BCL6B: variants seen among roughly 807,000 people sequenced by gnomAD.
BCL6B encodes the protein BCL6B transcription repressor, also known as B-cell CLL/lymphoma 6 member B protein.
Under a neutral mutation model 44.6 loss-of-function variants are expected in BCL6B, and 28 were observed. The observed-to-expected ratio is 0.63, with a 90% CI of 0.47 to 0.86. The LOEUF is 0.86. Among genes scored for constraint, BCL6B ranks in the 40% least tolerant of loss-of-function variants. The pLI, the probability that BCL6B is intolerant of heterozygous loss-of-function variation, is 0.00. For synonymous variants in BCL6B, 268 were observed against 263.6 expected, an observed-to-expected ratio of 1.02 and a Z score of -0.16; for missense variants, 626 against 652.3, an observed-to-expected ratio of 0.96 and a Z score of 0.44.
chr17:7,026,162 C>G (rs1026677553), intron 5 of BCL6B, among the ~76,000 whole-genome samples: 1 of 152,132 alleles, frequency 6.6e-6, no homozygotes, highest in Non-Finnish European at 1.5e-5. Context: ...CCTTGTGATC[C>G]GACCGCCTCG....
In BCL6B at chr17:7,029,128, A is replaced by G. The variant is rs1910385409; in HGVS notation, c.*1509A>G. 1.0e-6 allele frequency: 1 copy of G among 985,502 alleles called. No homozygotes were observed. The highest frequency in any genetic ancestry group is 1.2e-6 in the Non-Finnish European group (1 of 829,974). 61.0% of individuals were successfully genotyped at this position (985,502 alleles called of 1,614,324 possible). A position where few individuals can be genotyped will look rare whatever the true frequency, so the allele number is the denominator to read the frequency against. ...TTGGCATTACAGATGTAAAAGATTG[A>G]CTAGCCCATAGGCCAAAGGCCTGTT... On this transcript the variant is annotated 3_prime_UTR_variant, in exon 9 of 9. Coordinates refer to ENST00000293805, the MANE Select transcript of BCL6B (RefSeq NM_181844.4).
At chr17:7,027,297 G>C (rs910012037) in intron 8 of BCL6B, among the ~76,000 whole-genome samples, 2 of 152,198 alleles carry the variant, frequency 1.3e-5, no homozygotes, top group Admixed American at 1.3e-4. Flanking sequence ...TTTTCTCAGA[G>C]AGGAGCTGAG....
rs1183072052 is a variant in BCL6B, at chr17:7,026,709, A to G, written c.1059A>G (p.Glu353=). 3 of 1,614,132 alleles carry G rather than the reference A, an allele frequency of 1.9e-6. No homozygotes were observed. Among genetic ancestry groups the G allele is most frequent in the South Asian group, 2.2e-5 (2 of 91,094 alleles). ...TCCCATGTTCTCTGCCTCCAGGGGA[A>G]AAGCCTTACCACTGCTCAATCTGCG... ...LASHRTVHTG[E]KPYHCSICGA... is the part of the protein sequence containing the mutation. Residue 353 remains glutamate, a synonymous_variant, in exon 7 of 9, where the codon GAA becomes GAG. Transcript: ENST00000293805.
chr17:7,023,633 C>G (rs757081050), intron 1 of BCL6B, 27 bp from the exon 2 acceptor site: 2 of 1,585,318 alleles, frequency 1.3e-6, no homozygotes, highest in Non-Finnish European at 1.7e-6. Flanking sequence ...CTGCCTGGAT[C>G]CAGAGCACTT....
rs778315859 is a variant in BCL6B at position 7,027,063 on chromosome 17, C to A, written c.1299C>A (p.Ile433=). ...AGACCCTCAAGAGCCACGTTCGCATCCACACCGGAGAGAAGCCTTACCACG... is the reference window on the plus strand; with the variant it reads ...AGACCCTCAAGAGCCACGTTCGCATACACACCGGAGAGAAGCCTTACCACG... ...HLQTLKSHVR[I]HTGEKPYHCD... Residue 433 remains isoleucine (I), a synonymous_variant, in exon 8 of 9, where the codon ATC becomes ATA. Coordinates refer to ENST00000293805, the MANE Select transcript of BCL6B (RefSeq NM_181844.4). The A allele has an allele frequency of 2.5e-6, 4 of 1,613,940 alleles. No homozygotes were observed. The highest frequency in any genetic ancestry group is 3.4e-6 in the Non-Finnish European group (4 of 1,180,032).
Position 7,026,855 on chromosome 17 carries a change from G to A in BCL6B, c.1185+20G>A. 7 of 1,613,040 alleles carry A rather than the reference G, an allele frequency of 4.3e-6. No homozygotes were observed. Among genetic ancestry groups the A allele is most frequent in the Non-Finnish European group, 5.9e-6 (7 of 1,179,998 alleles). ...GTACAGGTACGGAGCCAGCCTCCAAGTGGCTTCCAAGGCAAACCTGCAAGA... is the reference window on the plus strand; with the variant it reads ...GTACAGGTACGGAGCCAGCCTCCAAATGGCTTCCAAGGCAAACCTGCAAGA... On this transcript the variant is annotated intron_variant, in intron 7 of 8. Coordinates refer to ENST00000293805, the MANE Select transcript of BCL6B (RefSeq NM_181844.4).
intron 2 of BCL6B, 101 bp downstream of exon 2, chr17:7,023,951 C>CG: frequency 6.5e-7 from 1 of 1,535,120 alleles, no homozygotes. Context: ...AAGCAGGAGG[C>CG]GGAGCGTCCC....
At chr17:7,027,399 T>G in intron 8 of BCL6B, 104 bp from the exon 9 acceptor site, 1 of 1,330,094 alleles carries the variant, frequency 7.5e-7, no homozygotes, top group South Asian at 1.2e-5. Flanking sequence ...GAGCTGATCT[T>G]CCGCTGGATA....
rs1597340318 is a variant in BCL6B, at chr17:7,024,659, A to G, written c.660A>G (p.Gln220=). ...TGGTCGGGGAGAGAAGTTCTGGTCA[A>G]CCTTGCCCCCAAGCCAGGCTCCCCA... is the stretch of plus-strand genomic sequence containing the variant. ...GSLVGERSSG[Q]PCPQARLPSG... Residue 220 remains glutamine, a synonymous_variant, in exon 4 of 9, where the codon CAA becomes CAG. Transcript: ENST00000293805. The surrounding 1 kb of genome is among the most constrained non-coding windows in gnomAD (Gnocchi z 6.6). The G allele has an allele frequency of 6.2e-7, 1 of 1,613,836 alleles. No homozygotes were observed. The highest frequency in any genetic ancestry group is 1.3e-5 in the African/African-American group (1 of 74,980).
At chr17:7,025,006 T>C (rs1055853703) in intron 4 of BCL6B, 70 bp from the exon 5 acceptor site, 3 of 1,566,612 alleles carry the variant, frequency 1.9e-6, no homozygotes, top group Non-Finnish European at 2.6e-6. Flanking sequence ...TGGCTCCAAA[T>C]TTCCCAGGAG....
rs1289911526 is a variant in BCL6B, at chr17:7,023,855, G to A, written c.179+5G>A. ...GGCAGTTCTCATCGCCTGCAGGTTC[G>A]AGGGGTGGGGCCTGGGGCGGGGCCA... On this transcript the variant is annotated splice_donor_5th_base_variant and intron_variant, in intron 2 of 8. Transcript: ENST00000293805. The A allele has an allele frequency of 1.2e-6, 2 of 1,611,340 alleles. No individual in the cohort carries two copies. The highest frequency in any genetic ancestry group is 1.7e-5 in the Admixed American group (1 of 59,966).
chr17:7,029,518 G>A lies in BCL6B; in HGVS notation c.*1899G>A. ...TAAAGAAGGAAGAAGGGAAGGCGGA[G>A]GAGTCTATAAGAAGGAATCATGATT... On this transcript the variant is annotated 3_prime_UTR_variant, in exon 9 of 9. Transcript: ENST00000293805. 9.3e-7 allele frequency: 1 copy of A among 1,077,316 alleles called. No homozygotes were observed. The highest frequency in any genetic ancestry group is 2.4e-5 in the South Asian group (1 of 42,258). 66.7% of individuals were successfully genotyped at this position (1,077,316 alleles called of 1,614,324 possible). A position where few individuals can be genotyped will look rare whatever the true frequency, so the allele number is the denominator to read the frequency against.
rs1461962140 is a variant in BCL6B at position 7,024,240 on chromosome 17, G to A, written c.337G>A (p.Ala113Thr). 1 of 1,613,672 alleles carries A rather than the reference G, an allele frequency of 6.2e-7. No individual in the cohort carries two copies. Among genetic ancestry groups the A allele is most frequent in the Non-Finnish European group, 8.5e-7 (1 of 1,180,030 alleles). ...TCCAGCCACTGCACCAGCAGTCCTAGCGGCCGCCACCTATTTGCAGATGGA... is the reference window on the plus strand; with the variant it reads ...TCCAGCCACTGCACCAGCAGTCCTAACGGCCGCCACCTATTTGCAGATGGA... ...LSPATAPAVL[A>T]AATYLQMEHV... Residue 113 changes from alanine to threonine, a missense_variant, in exon 3 of 9, where the codon GCG becomes ACG. Ala to Thr is a moderately conservative substitution (Grantham distance 58). Transcript: ENST00000293805. The surrounding 1 kb of genome is among the most constrained non-coding windows in gnomAD (Gnocchi z 6.6).
At chr17:7,026,900 G>A (rs1411660396) in intron 7 of BCL6B, 50 bp from the exon 8 acceptor site, 2 of 1,611,096 alleles carry the variant, frequency 1.2e-6, no homozygotes, top group East Asian at 2.2e-5. Flanking sequence ...GGCCAATAGG[G>A]AGGGTTCTGT....
intron 5 of BCL6B, among the ~76,000 whole-genome samples, chr17:7,025,967 G>A (rs1027310067): frequency 6.6e-6 from 1 of 152,022 alleles, no homozygotes; most frequent in Non-Finnish European, 1.5e-5. Context: ...CTGTGGCCAG[G>A]CTGAAGTGCA....
Position 7,027,583 on chromosome 17 carries a change from C to A in BCL6B, c.1404C>A (p.Asn468Lys). 6.2e-7 allele frequency: 1 copy of A among 1,613,814 alleles called. No homozygotes were observed. Among genetic ancestry groups the A allele is most frequent in the African/African-American group, 1.3e-5 (1 of 75,054 alleles). Residue 468 changes from asparagine to lysine, a missense_variant, in exon 9 of 9, where the codon AAC (asparagine) becomes AAA (lysine). Transcript: ENST00000293805. The part of the protein sequence containing the change: ...HLRQKHGAAT[N>K]TKVHYHILGG... ...GCCAGAAACACGGAGCTGCTACCAACACCAAAGTGCACTACCACATTCTCG... is the reference window on the plus strand; with the variant it reads ...GCCAGAAACACGGAGCTGCTACCAAAACCAAAGTGCACTACCACATTCTCG...
rs753640318 is a variant in BCL6B, at chr17:7,024,793, C to T, written c.764+30C>T. 5.1e-6 allele frequency: 8 copies of T among 1,569,552 alleles called. No individual in the cohort carries two copies. In the South Asian group the frequency reaches 9.2e-5, roughly 18 times the overall value. On this transcript the variant is annotated intron_variant, in intron 4 of 8. Transcript: ENST00000293805. This position sits in a 1 kb window ranked among gnomAD's most constrained non-coding sequence, Gnocchi z 6.6. Reference sequence around the variant, plus strand: ...AGAGTCTAGAACCTCAAGAATTTGTCAGAGCTGGCCTCAGCTAGAAGACAG... The same window carrying T: ...AGAGTCTAGAACCTCAAGAATTTGTTAGAGCTGGCCTCAGCTAGAAGACAG...
chr17:7,027,472 G>C, intron 8 of BCL6B, 31 bp from the exon 9 acceptor site: 7 of 1,612,350 alleles, frequency 4.3e-6, no homozygotes, highest in Non-Finnish European at 5.9e-6. Flanking sequence ...TTGTGGATGG[G>C]GCAGGGCCTG....
Position 7,024,957 on chromosome 17 carries a change from T to C in BCL6B, c.765-119T>C, listed in dbSNP as rs768370171. The stretch of plus-strand genomic sequence containing the variant: ...GGGCAGTACAATGGATGTGGCTCAT[T>C]GGTCAACAATATTGGCTCACCCTGA... On this transcript the variant is annotated intron_variant, in intron 4 of 8. Coordinates refer to ENST00000293805, the MANE Select transcript of BCL6B (RefSeq NM_181844.4). This position sits in a 1 kb window ranked among gnomAD's most constrained non-coding sequence, Gnocchi z 6.6. 2.7e-6 allele frequency: 4 copies of C among 1,506,340 alleles called. No homozygotes were observed. Among genetic ancestry groups the C allele is most frequent in the African/African-American group, 1.4e-5 (1 of 71,832 alleles). 93.3% of individuals were successfully genotyped at this position (1,506,340 alleles called of 1,614,324 possible).
Sources: allele counts gnomAD v4.1 joint callset (sites outside exome capture counted in the v4.1 genomes callset), GRCh38; gene constraint gnomAD v4.1.1; non-coding constraint Gnocchi (gnomAD v3.1); transcripts MANE v1.5; gene names NCBI Gene and HGNC (gene_info 2026-07-23, HGNC 2026-07-21).